Variants in SGF29 observed in about 807,000 individuals in gnomAD.
The protein encoded by SGF29 is SAGA-associated factor 29.
A neutral mutation model predicts 38.1 loss-of-function variants in SGF29; 15 were observed. The observed-to-expected ratio is 0.39, with a 90% CI of 0.26 to 0.61. The LOEUF is 0.61. Ranked by LOEUF, SGF29 falls within the 20% of genes least tolerant of loss-of-function variation. The probability of loss-of-function intolerance (pLI) is 0.49; values close to 1 mark genes in which losing one functional copy is unlikely to be tolerated. For missense variants in SGF29, 184 were observed against 394.6 expected (o/e 0.47, Z 4.52); for synonymous variants, 151 against 160.8 (o/e 0.94, Z 0.46).
chr16:28,582,678 T>C (rs917761867), intron 2 of SGF29, among the ~76,000 whole-genome samples: 1 of 152,184 alleles, frequency 6.6e-6, no homozygotes, highest in Non-Finnish European at 1.5e-5. Context: ...GCGTGGTAAC[T>C]CATGCCTGTA....
chr16:28,560,668 A>C (rs1308369559), intron 1 of SGF29, among the ~76,000 whole-genome samples: 2 of 151,930 alleles, frequency 1.3e-5, no homozygotes, highest in African/African-American at 4.8e-5. Context: ...TTACAAAAAA[A>C]GGCAATGAAC....
intron 1 of SGF29, among the ~76,000 whole-genome samples, chr16:28,574,304 G>A (rs1440348682): frequency 5.9e-5 from 9 of 152,112 alleles, no homozygotes; most frequent in South Asian, 2.1e-4. Context: ...CTTCCCTCAC[G>A]GCGAGCTGCC....
intron 2 of SGF29, 110 bp from the exon 3 acceptor site, chr16:28,584,803 A>G (rs1034126587): frequency 7.9e-5 from 54 of 684,918 alleles, no homozygotes; most frequent in South Asian, 2.5e-4. Flanking sequence ...AAAAAAAAAA[A>G]AAAAGAAAAT....
chr16:28,569,562 GGATCACTTGAAC>G (rs1567287710), intron 1 of SGF29, among the ~76,000 whole-genome samples: 4 of 152,290 alleles, frequency 2.6e-5, no homozygotes, highest in African/African-American at 9.6e-5. Flanking sequence ...TGAGGTGGGA[GGATCACTTGAAC>G]CTGGGAGATT....
chr16:28,564,788 CACACACACACACACACACAA>C (rs2046826700), intron 1 of SGF29, among the ~76,000 whole-genome samples: 1 of 105,934 alleles, frequency 9.4e-6, no homozygotes, highest in African/African-American at 3.4e-5. Flanking sequence ...TATATATATA[CACACACACACACACACACAA>C]ACACACACAC....
chr16:28,591,017 C>A, intron 9 of SGF29, 82 bp downstream of exon 9: 1 of 1,458,986 alleles, frequency 6.9e-7, no homozygotes, highest in South Asian at 1.4e-5. Context: ...CTCCCCACTC[C>A]TTCCCTTTGT....
chr16:28,589,293 A>T, intron 5 of SGF29, 129 bp downstream of exon 5: 2 of 888,490 alleles, frequency 2.3e-6, no homozygotes, highest in Non-Finnish European at 3.6e-6. Flanking sequence ...AGGCTCTGGC[A>T]GACTGGCTCT....
In SGF29 at chr16:28,569,509, G is replaced by A. The variant is rs1207047232; in HGVS notation, c.-15-11546G>A. ...ACCCTGTCTCTACAAAAAATTAGCC[G>A]GGCATGGTGGCATGTGCCTGTGGTC... On this transcript the variant is annotated intron_variant, in intron 1 of 9. Coordinates refer to ENST00000317058, the MANE Select transcript of SGF29 (RefSeq NM_138414.3). Among the ~76,000 whole-genome samples, 7 of 152,084 alleles carry A rather than the reference G, an allele frequency of 4.6e-5. No homozygotes were observed. In the South Asian group the frequency reaches 8.3e-4, roughly 18 times the overall value.
chr16:28,558,116 T>G (rs1390172381), intron 1 of SGF29, among the ~76,000 whole-genome samples: 1 of 150,442 alleles, frequency 6.6e-6, no homozygotes, highest in Non-Finnish European at 1.5e-5. Flanking sequence ...GGTACTTTTT[T>G]TTTTTTTTGA....
chr16:28,586,740 AGAG>A (rs1167850955), intron 4 of SGF29, among the ~76,000 whole-genome samples: 2 of 152,164 alleles, frequency 1.3e-5, no homozygotes, highest in Admixed American at 1.3e-4. Flanking sequence ...TTGGCACAGA[AGAG>A]GTGTCTCTGG....
At chr16:28,569,599 C>G (rs1459654803) in intron 1 of SGF29, among the ~76,000 whole-genome samples, 1 of 152,082 alleles carries the variant, frequency 6.6e-6, no homozygotes, top group Non-Finnish European at 1.5e-5. Context: ...CTGCAGTGAG[C>G]TGAAATTGCA....
At position 28,590,551 on chromosome 16, in the gene SGF29, C is replaced by G. The variant is rs917031400; in HGVS notation, c.567-80C>G. On this transcript the variant is annotated intron_variant, in intron 7 of 9. Coordinates refer to ENST00000317058, the MANE Select transcript of SGF29 (RefSeq NM_138414.3). The surrounding 1 kb of genome is among the most constrained non-coding windows in gnomAD (Gnocchi z 8.2). ...CCAGAGGCTGGTTGTGCAGGGAGCA[C>G]CAGGTCCTCCCCCATCCTCACTCCC... 1.4e-5 allele frequency: 23 copies of G among 1,612,144 alleles called. No individual in the cohort carries two copies. The South Asian group carries it at 2.4e-4, about 17-fold the overall frequency.
At position 28,562,562 on chromosome 16, in the gene SGF29, T is replaced by C. The variant is rs1020005612; in HGVS notation, c.-16+8465T>C. On this transcript the variant is annotated intron_variant, in intron 1 of 9. Coordinates refer to ENST00000317058, the MANE Select transcript of SGF29 (RefSeq NM_138414.3). ...ACAAATGGGGATCCAAGCCCTCCTG[T>C]ATTTCAGGCTTTATTTTGGGTACCA... 6.9e-4 allele frequency among the ~76,000 whole-genome samples: 105 copies of C among 152,214 alleles called. 1 individual carries two copies. The highest frequency in any genetic ancestry group is 2.4e-3 in the African/African-American group (100 of 41,552).
At chr16:28,584,822 T>C in intron 2 of SGF29, 91 bp from the exon 3 acceptor site, 2 of 697,886 alleles carry the variant, frequency 2.9e-6, no homozygotes, top group East Asian at 2.8e-5. Flanking sequence ...ATGAGGGCCG[T>C]ATTTTGGGGA....
At chr16:28,581,455 G>A (rs1482527418) in intron 2 of SGF29, among the ~76,000 whole-genome samples, 2 of 152,120 alleles carry the variant, frequency 1.3e-5, no homozygotes, top group Admixed American at 6.5e-5. Context: ...CCATTAGCAC[G>A]ATCAATTTCA....
At chr16:28,564,607 ATATATATACATATATGCATATATATACG>A (rs2046815100) in intron 1 of SGF29, among the ~76,000 whole-genome samples, 1 of 129,682 alleles carries the variant, frequency 7.7e-6, no homozygotes, top group Non-Finnish European at 1.6e-5. Context: ...ATATATGTGT[ATATATATACATATATGCATATATATACG>A]TATATATGTG....
intron 3 of SGF29, 71 bp downstream of exon 3, chr16:28,585,059 G>A (rs1329950224): frequency 1.5e-5 from 18 of 1,180,238 alleles, no homozygotes; most frequent in African/African-American, 1.4e-4. Context: ...GACTGTGACC[G>A]AGGTGGTCAT....
intron 1 of SGF29, among the ~76,000 whole-genome samples, chr16:28,558,692 A>G (rs1448607557): frequency 2.0e-5 from 3 of 152,246 alleles, no homozygotes; most frequent in Admixed American, 2.0e-4. Flanking sequence ...AACGACATCT[A>G]TCCATAGAAT....
At chr16:28,564,806 C>A (rs868339761) in intron 1 of SGF29, among the ~76,000 whole-genome samples, 17 of 137,432 alleles carry the variant, frequency 1.2e-4, no homozygotes, top group East Asian at 4.1e-4. Flanking sequence ...CACACACACA[C>A]AAACACACAC....
Sources: allele counts gnomAD v4.1 joint callset (sites outside exome capture counted in the v4.1 genomes callset), GRCh38; gene constraint gnomAD v4.1.1; non-coding constraint Gnocchi (gnomAD v3.1); transcripts MANE v1.5; gene names NCBI Gene and HGNC (gene_info 2026-07-23, HGNC 2026-07-21).